DLG5: variants seen among roughly 807,000 people sequenced by gnomAD.
DLG5 encodes the protein disks large homolog 5.
A neutral mutation model predicts 189.8 loss-of-function variants in DLG5; 48 were observed. The ratio of observed to expected loss-of-function variants is 0.25; its 90% confidence interval spans 0.20 to 0.32. The LOEUF is 0.32. DLG5 is among the 10% of genes least tolerant of loss of function. DLG5 has a pLI of 1.00. For synonymous variants in DLG5, 1,016 were observed against 1,054.1 expected (o/e 0.96, Z 0.70); for missense variants, 2,160 against 2,544.7 (o/e 0.85, Z 3.25).
chr10:77,823,983 T>C (rs1842494041), intron 14 of DLG5, among the ~76,000 whole-genome samples: 1 of 152,100 alleles, frequency 6.6e-6, no homozygotes, highest in Admixed American at 6.5e-5. Flanking sequence ...TTCGACTGCC[T>C]TGGCCTCCCA....
intron 8 of DLG5, 138 bp from the exon 9 acceptor site, chr10:77,834,177 G>T: frequency 8.1e-7 from 1 of 1,229,602 alleles, no homozygotes; most frequent in South Asian, 1.6e-5. Flanking sequence ...AGGAACACTT[G>T]GGAATCTAGG....
At chr10:77,901,375 C>A (rs964284460) in intron 1 of DLG5, among the ~76,000 whole-genome samples, 1 of 152,204 alleles carries the variant, frequency 6.6e-6, no homozygotes, top group Non-Finnish European at 1.5e-5. Context: ...ACAGGGACAA[C>A]TGGTAAACAG....
At chr10:77,808,703 G>A (rs867419601) in intron 24 of DLG5, among the ~76,000 whole-genome samples, 26 of 152,298 alleles carry the variant, frequency 1.7e-4, no homozygotes, top group Middle Eastern at 3.4e-3. Context: ...CCCAGGGCCT[G>A]AGCCAAGGCT....
rs71030905 is a variant in DLG5 at position 77,803,886 on chromosome 10, A to ATTT, written c.5164+1776_5164+1778dup. Among the ~76,000 whole-genome samples the ATTT allele has an allele frequency of 1.9e-4, 24 of 129,414 alleles. 1 individual carries two copies. The highest frequency in any genetic ancestry group is 5.4e-4 in the African/African-American group (18 of 33,168). 84.9% of individuals were successfully genotyped at this position (129,414 alleles called of 152,430 possible). On this transcript the variant is annotated intron_variant, in intron 27 of 31. Coordinates refer to ENST00000372391, the MANE Select transcript of DLG5 (RefSeq NM_004747.4). ...ACCTTGCCTTGAGTAACAGGTTGGC[A>ATTT]TTTTTTTTTTTTTTTTTTTTTGAGA...
chr10:77,792,680 T>C lies in DLG5; in HGVS notation c.5657-137A>G, dbSNP rs1163954896. Reference sequence around the variant, plus strand: ...CTTGGCACTCTGCTCCATCCCCACCTGACTCTCCTTCACCAGCAAGAAACT... The same window carrying C: ...CTTGGCACTCTGCTCCATCCCCACCCGACTCTCCTTCACCAGCAAGAAACT... On this transcript the variant is annotated intron_variant, in intron 31 of 31. Transcript: ENST00000372391. 3 of 732,614 alleles carry C rather than the reference T, an allele frequency of 4.1e-6. No homozygotes were observed. The Admixed American group carries it at 7.6e-5, about 19-fold the overall frequency. 45.4% of individuals were successfully genotyped at this position (732,614 alleles called of 1,614,324 possible). A position where few individuals can be genotyped will look rare whatever the true frequency, so the allele number is the denominator to read the frequency against.
At chr10:77,820,416 A>C (rs1254613504) in intron 15 of DLG5, 1 of 167,640 alleles carries the variant, frequency 6.0e-6, no homozygotes, top group Non-Finnish European at 1.3e-5. Context: ...TCTGCCCCCC[A>C]GGAACCAGCT....
intron 1 of DLG5, among the ~76,000 whole-genome samples, chr10:77,873,499 C>T (rs1262628300): frequency 6.6e-6 from 1 of 152,052 alleles, no homozygotes; most frequent in African/African-American, 2.4e-5. Flanking sequence ...ATTCTGTTTA[C>T]CCCGTGACTC....
intron 1 of DLG5, among the ~76,000 whole-genome samples, chr10:77,912,795 C>T (rs1846261073): frequency 1.3e-5 from 2 of 152,208 alleles, no homozygotes; most frequent in Admixed American, 1.3e-4. Context: ...AGCAGTGGCT[C>T]ACCACCCCAG....
chr10:77,850,148 A>C (rs1004831499), intron 5 of DLG5, among the ~76,000 whole-genome samples: 1 of 152,218 alleles, frequency 6.6e-6, no homozygotes, highest in Non-Finnish European at 1.5e-5. Context: ...CACTACCACT[A>C]TCTAATTCCA....
chr10:77,850,719 A>G (rs971656606), intron 5 of DLG5, among the ~76,000 whole-genome samples: 1 of 152,210 alleles, frequency 6.6e-6, no homozygotes, highest in Non-Finnish European at 1.5e-5. Context: ...TTAGAATAAT[A>G]TCATTAACGA....
Position 77,809,597 on chromosome 10 carries a change from T to A in DLG5, c.4597A>T (p.Ser1533Cys). The A allele has an allele frequency of 6.2e-7, 1 of 1,614,186 alleles. No individual in the cohort carries two copies. Among genetic ancestry groups the A allele is most frequent in the South Asian group, 1.1e-5 (1 of 91,076 alleles). Residue 1533 changes from serine (S) to cysteine (C), a missense_variant, in exon 24 of 32, where the codon AGT becomes TGT. By Grantham distance (112) the Ser-to-Cys change is moderately radical. Around this residue, in one of 5 missense-constraint regions of DLG5, gnomAD observed 574 missense variants for 644.2 expected, o/e 0.89. Transcript: ENST00000372391. ...GVFVAEVEDD[S>C]PAKGPDGLVP... is the part of the protein sequence containing the mutation. ...AGGCCGTCAGGACCCTTGGCAGGACTGTCATCCTCCACCTCGGCCACAAAC... is the reference window on the plus strand; with the variant it reads ...AGGCCGTCAGGACCCTTGGCAGGACAGTCATCCTCCACCTCGGCCACAAAC...
rs143766960 is a variant in DLG5 at position 77,888,505 on chromosome 10, G to A, written c.305-19308C>T. Among the ~76,000 whole-genome samples the A allele has an allele frequency of 8.6e-3, 1,306 of 152,328 alleles. 9 individuals are homozygous for A. The highest frequency in any genetic ancestry group is 0.013 in the Non-Finnish European group (877 of 68,028). ...AGGATTAGGTAAGAAGGGGTTAAAT[G>A]TGTTAATATTCATCAGGCGGAGCTT... is the stretch of plus-strand genomic sequence containing the variant. On this transcript the variant is annotated intron_variant, in intron 1 of 31. Transcript: ENST00000372391.
intron 1 of DLG5, among the ~76,000 whole-genome samples, chr10:77,885,227 AT>A (rs1158704517): frequency 2.8e-4 from 42 of 151,822 alleles, no homozygotes; most frequent in Middle Eastern, 3.4e-3. Context: ...CCATTCTTAG[AT>A]GCCTACGCTC....
chr10:77,939,743 C>T, the DLG5 span, among the ~76,000 whole-genome samples: 1 of 152,206 alleles, frequency 6.6e-6, no homozygotes, highest in Non-Finnish European at 1.5e-5. Context: ...TGGGAGCCAT[C>T]CAGCTCTATG....
At chr10:77,923,605 A>G (rs1453193212) in intron 1 of DLG5, among the ~76,000 whole-genome samples, 4 of 152,122 alleles carry the variant, frequency 2.6e-5, no homozygotes, top group African/African-American at 9.7e-5. Context: ...CACAATATAC[A>G]AAAATTAGCT....
the DLG5 span, among the ~76,000 whole-genome samples, chr10:77,933,187 T>C: frequency 6.6e-6 from 1 of 152,244 alleles, no homozygotes; most frequent in Admixed American, 6.5e-5. Flanking sequence ...GTGTCTCTGC[T>C]ACATGCTCTC....
intron 1 of DLG5, among the ~76,000 whole-genome samples, chr10:77,872,695 C>G (rs578036374): frequency 1.3e-5 from 2 of 152,252 alleles, no homozygotes; most frequent in East Asian, 3.9e-4. Flanking sequence ...CAGGAAAAGG[C>G]AAAAGAAGCC....
At chr10:77,887,047 C>G (rs890770414) in intron 1 of DLG5, among the ~76,000 whole-genome samples, 1 of 152,188 alleles carries the variant, frequency 6.6e-6, no homozygotes, top group Non-Finnish European at 1.5e-5. Context: ...GCAGCCTTAG[C>G]AAACTAATAC....
At chr10:77,820,738 C>T (rs1172313817) in intron 15 of DLG5, 5 of 307,714 alleles carry the variant, frequency 1.6e-5, no homozygotes, top group Non-Finnish European at 2.4e-5. Context: ...GTCCCGCTGC[C>T]CACTCAGCCT....
Sources: gnomAD v4.1 joint callset for allele counts (sites outside exome capture counted in the v4.1 genomes callset) on GRCh38, gnomAD v4.1.1 for gene constraint, gnomAD v4.1.1 regional missense constraint, MANE v1.5 for transcripts, NCBI Gene and HGNC (gene_info 2026-07-23, HGNC 2026-07-21) for gene names.